The following MCC variants were observed in gnomAD, a reference collection of about 807,000 sequenced individuals.
MCC encodes colorectal mutant cancer protein.
MCC carries 90 observed loss-of-function variants against 116.2 expected under a neutral mutation model. The observed-to-expected ratio is 0.77, with a 90% CI of 0.65 to 0.92. The LOEUF is 0.92. Among genes scored for constraint, MCC ranks in the 40% least tolerant of loss-of-function variants. The probability of loss-of-function intolerance (pLI) is 0.00; values close to 1 mark genes in which losing one functional copy is unlikely to be tolerated. For synonymous variants in MCC, 578 were observed against 510.5 expected, an observed-to-expected ratio of 1.13 and a Z score of -1.78; for missense variants, 1,516 against 1,312.2, an observed-to-expected ratio of 1.16 and a Z score of -2.40.
chr5:113,453,186 A>C (rs1212219693), intron 1 of MCC, among the ~76,000 whole-genome samples: 1 of 152,100 alleles, frequency 6.6e-6, no homozygotes, highest in African/African-American at 2.4e-5. Flanking sequence ...CTGTCTTTAG[A>C]CAGATGCATT....
chr5:113,085,271 T>C lies in MCC; in HGVS notation c.1438A>G (p.Thr480Ala). 6.2e-7 allele frequency: 1 copy of C among 1,614,148 alleles called. No homozygotes were observed. The highest frequency in any genetic ancestry group is 8.5e-7 in the Non-Finnish European group (1 of 1,180,010). ...LQTRLQSVQA[T>A]GPSSPGRLTS... is the part of the protein sequence containing the mutation. ...AGGCGGCCAGGGCTGGAGGGACCTG[T>C]GGCCTGCACGCTCTGTAGTCGAGTT... The change falls in exon 9 of 19, where the codon ACA becomes GCA. Residue 480 changes from threonine to alanine, a missense_variant. Transcript: ENST00000408903.
chr5:113,107,543 T>C (rs1581075458), intron 6 of MCC, among the ~76,000 whole-genome samples: 1 of 152,044 alleles, frequency 6.6e-6, no homozygotes, highest in Non-Finnish European at 1.5e-5. Flanking sequence ...TGGAGGCAGG[T>C]GGACACCAAC....
intron 3 of MCC, among the ~76,000 whole-genome samples, chr5:113,157,827 T>C (rs1473921099): frequency 6.6e-6 from 1 of 152,238 alleles, no homozygotes; most frequent in Non-Finnish European, 1.5e-5. Flanking sequence ...AAAGCTATGA[T>C]AAAGTTTAAT....
At chr5:113,321,825 T>G (rs1767429186) in intron 3 of MCC, among the ~76,000 whole-genome samples, 1 of 152,156 alleles carries the variant, frequency 6.6e-6, no homozygotes, top group Non-Finnish European at 1.5e-5. Flanking sequence ...TGATTTGTAT[T>G]TCTTTATTTT....
chr5:113,092,886 G>A (rs946146538), intron 8 of MCC, among the ~76,000 whole-genome samples: 1 of 152,214 alleles, frequency 6.6e-6, no homozygotes, highest in South Asian at 2.1e-4. Context: ...CAGGCCGGAG[G>A]AGACATGTGC....
intron 3 of MCC, among the ~76,000 whole-genome samples, chr5:113,262,188 C>CA (rs1213413577): frequency 6.6e-6 from 1 of 152,134 alleles, no homozygotes; most frequent in Non-Finnish European, 1.5e-5. Flanking sequence ...CCTGCACTTT[C>CA]AGGCTCCTCT....
intron 3 of MCC, among the ~76,000 whole-genome samples, chr5:113,321,662 G>A (rs751329263): frequency 9.2e-5 from 14 of 152,130 alleles, no homozygotes; most frequent in Non-Finnish European, 1.8e-4. Flanking sequence ...AAAAGCAAAT[G>A]CTCCCTATTT....
chr5:113,082,815 AC>A (rs1182155960), intron 11 of MCC, 44 bp downstream of exon 11: 1 of 1,596,900 alleles, frequency 6.3e-7, no homozygotes, highest in Non-Finnish European at 8.5e-7. Flanking sequence ...GAGGAGTAGC[AC>A]CTCCTCCCTG....
intron 3 of MCC, among the ~76,000 whole-genome samples, chr5:113,247,385 A>G (rs561457250): frequency 2.6e-5 from 4 of 152,334 alleles, no homozygotes; most frequent in South Asian, 2.1e-4. Flanking sequence ...CTCATGATAC[A>G]TTTAAGTCAA....
intron 1 of MCC, among the ~76,000 whole-genome samples, chr5:113,410,497 C>T (rs1416592916): frequency 6.6e-6 from 1 of 152,078 alleles, no homozygotes; most frequent in African/African-American, 2.4e-5. Context: ...CTTGGCTGGG[C>T]GTGGTGGGTC....
chr5:113,124,895 T>C (rs1409440109), intron 5 of MCC, among the ~76,000 whole-genome samples: 2 of 152,234 alleles, frequency 1.3e-5, no homozygotes, highest in African/African-American at 4.8e-5. Flanking sequence ...ACTGGTGGAA[T>C]ATCTGGGGCT....
At chr5:113,458,391 G>A (rs1287290285) in intron 1 of MCC, among the ~76,000 whole-genome samples, 1 of 151,436 alleles carries the variant, frequency 6.6e-6, no homozygotes, top group Non-Finnish European at 1.5e-5. Flanking sequence ...GAGCCAGCGG[G>A]ACCACGAACC....
At chr5:113,182,370 A>C (rs937635137) in intron 3 of MCC, among the ~76,000 whole-genome samples, 4 of 152,230 alleles carry the variant, frequency 2.6e-5, no homozygotes, top group African/African-American at 7.2e-5. Flanking sequence ...CACACTAACA[A>C]GATGGTAAGT....
intron 3 of MCC, among the ~76,000 whole-genome samples, chr5:113,292,733 AACAAAG>A (rs1766554579): frequency 6.6e-6 from 1 of 152,182 alleles, no homozygotes; most frequent in South Asian, 2.1e-4. Context: ...GATTCATTTA[AACAAAG>A]GTTACTGGAC....
Position 113,132,441 on chromosome 5 carries a change from TATAC to T in MCC, c.885-9619_885-9616del, listed in dbSNP as rs1461285192. Among the ~76,000 whole-genome samples the T allele has an allele frequency of 8.3e-5, 8 of 96,918 alleles. 1 individual carries two copies. The highest frequency in any genetic ancestry group is 2.3e-4 in the Admixed American group (2 of 8,670). The allele number at this position is 96,918 out of a possible 152,430, so 63.6% of individuals were successfully genotyped here. A position where few individuals can be genotyped will look rare whatever the true frequency, so the allele number is the denominator to read the frequency against. On this transcript the variant is annotated intron_variant, in intron 5 of 18. Transcript: ENST00000408903. The stretch of plus-strand genomic sequence containing the variant: ...ATACACACATACATATATATATATA[TATAC>T]ACACACACACACACACACACACACA...
chr5:113,259,474 C>A (rs1016170766), intron 3 of MCC, among the ~76,000 whole-genome samples: 33 of 151,958 alleles, frequency 2.2e-4, no homozygotes, highest in African/African-American at 8.0e-4. Context: ...CTACCACACC[C>A]CTAAGTCATT....
chr5:113,245,290 CAA>C (rs560902639), intron 3 of MCC, among the ~76,000 whole-genome samples: 26 of 90,836 alleles, frequency 2.9e-4, no homozygotes, highest in Middle Eastern at 7.5e-3. Flanking sequence ...AACTCCATCT[CAA>C]AAAAAAAAAA....
intron 3 of MCC, among the ~76,000 whole-genome samples, chr5:113,172,835 T>C (rs1761143066): frequency 6.6e-6 from 1 of 152,344 alleles, no homozygotes; most frequent in South Asian, 2.1e-4. Flanking sequence ...CCCAGCTGTA[T>C]CTATTTCACT....
rs77598471 is a variant in MCC at position 113,175,552 on chromosome 5, C to G, written c.628-24130G>C. Among the ~76,000 whole-genome samples the G allele has an allele frequency of 7.5e-3, 1,133 of 152,072 alleles. 22 individuals are homozygous for G. Among genetic ancestry groups the G allele is most frequent in the African/African-American group, 0.026 (1,065 of 41,432 alleles). Reference sequence around the variant, plus strand: ...TGTTCAATTAGCCACTCAAACTGGACGGGGAGTAGTGACAGATAAATAGAT... The same window carrying G: ...TGTTCAATTAGCCACTCAAACTGGAGGGGGAGTAGTGACAGATAAATAGAT... On this transcript the variant is annotated intron_variant, in intron 3 of 18. Transcript: ENST00000408903.
Sources: gnomAD v4.1 joint callset for allele counts (sites outside exome capture counted in the v4.1 genomes callset) on GRCh38, gnomAD v4.1.1 for gene constraint, MANE v1.5 for transcripts, NCBI Gene and HGNC (gene_info 2026-07-23, HGNC 2026-07-21) for gene names.